Variants in LARGE1 observed in about 807,000 individuals in gnomAD.
LARGE1 encodes LARGE xylosyl- and glucuronyltransferase 1.
Under a neutral mutation model 87.6 loss-of-function variants are expected in LARGE1, and 43 were observed. The observed-to-expected ratio is 0.49, with a 90% confidence interval of 0.38 to 0.63. LARGE1 has a LOEUF of 0.63. Ranked by LOEUF, LARGE1 falls within the 30% of genes least tolerant of loss-of-function variation. The probability of loss-of-function intolerance (pLI) is 0.00; values close to 1 mark genes in which losing one functional copy is unlikely to be tolerated. For synonymous variants in LARGE1, 434 were observed against 394.6 expected, an observed-to-expected ratio of 1.10 and a Z score of -1.18; for missense variants, 802 against 1,000.2, an observed-to-expected ratio of 0.80 and a Z score of 2.67.
intron 10 of LARGE1, among the ~76,000 whole-genome samples, chr22:33,336,665 T>C (rs1938483907): frequency 6.6e-6 from 1 of 152,210 alleles, no homozygotes; most frequent in Non-Finnish European, 1.5e-5. Context: ...CTCTTCTCTA[T>C]ATCCTAAGAA....
At chr22:33,827,439 T>C (rs2062831565) in intron 1 of LARGE1, among the ~76,000 whole-genome samples, 1 of 152,006 alleles carries the variant, frequency 6.6e-6, no homozygotes. Flanking sequence ...GCCAAAAAAA[T>C]ACACATAAAC....
At chr22:33,898,064 C>T (rs908868472) in intron 1 of LARGE1, among the ~76,000 whole-genome samples, 1 of 152,158 alleles carries the variant, frequency 6.6e-6, no homozygotes, top group Non-Finnish European at 1.5e-5. Flanking sequence ...ATACACGTGG[C>T]CACAGCTGTA....
the LARGE1 span, among the ~76,000 whole-genome samples, chr22:33,146,040 T>C: frequency 1.8e-4 from 27 of 152,196 alleles, no homozygotes; most frequent in Non-Finnish European, 3.1e-4. Context: ...TAAGCACTTT[T>C]TCCCACGTCT....
intron 11 of LARGE1, among the ~76,000 whole-genome samples, chr22:33,181,306 T>C (rs1011809732): frequency 6.6e-6 from 1 of 152,158 alleles, no homozygotes; most frequent in Non-Finnish European, 1.5e-5. Flanking sequence ...TTATGGAGTA[T>C]CTACTGTATA....
At chr22:33,537,211 T>C (rs972082258) in intron 6 of LARGE1, among the ~76,000 whole-genome samples, 1 of 152,244 alleles carries the variant, frequency 6.6e-6, no homozygotes, top group African/African-American at 2.4e-5. Flanking sequence ...CTCTGACAGT[T>C]CTGGAGGTCA....
the LARGE1 span, among the ~76,000 whole-genome samples, chr22:33,126,744 A>G: frequency 2.6e-5 from 4 of 152,268 alleles, no homozygotes; most frequent in South Asian, 2.1e-4. Context: ...ACACAGTGAC[A>G]TACAAAATTG....
At chr22:33,895,592 C>G (rs1443340325) in intron 1 of LARGE1, among the ~76,000 whole-genome samples, 1 of 152,190 alleles carries the variant, frequency 6.6e-6, no homozygotes, top group East Asian at 1.9e-4. Flanking sequence ...GCCTGAGGTC[C>G]TTGCCTTCTT....
At chr22:33,121,407 G>C in the LARGE1 span, among the ~76,000 whole-genome samples, 1 of 152,332 alleles carries the variant, frequency 6.6e-6, no homozygotes, top group African/African-American at 2.4e-5. Context: ...AAGAATGCCT[G>C]TTGTGAGGTT....
At chr22:33,464,864 A>C (rs2068525367) in intron 6 of LARGE1, among the ~76,000 whole-genome samples, 2 of 147,116 alleles carry the variant, frequency 1.4e-5, no homozygotes, top group African/African-American at 5.1e-5. Context: ...CACACACTAC[A>C]CACACACTGC....
chr22:33,077,216 G>C, the LARGE1 span, among the ~76,000 whole-genome samples: 3 of 152,120 alleles, frequency 2.0e-5, no homozygotes, highest in African/African-American at 7.2e-5. Flanking sequence ...AATGATTAAA[G>C]TTATTGAGTG....
At chr22:33,403,426 T>C (rs1407076860) in intron 7 of LARGE1, among the ~76,000 whole-genome samples, 1 of 152,204 alleles carries the variant, frequency 6.6e-6, no homozygotes, top group Non-Finnish European at 1.5e-5. Flanking sequence ...AACATTTTAA[T>C]GGGAGTAATA....
intron 2 of LARGE1, among the ~76,000 whole-genome samples, chr22:33,731,579 T>A (rs1161076065): frequency 2.6e-5 from 4 of 152,106 alleles, no homozygotes; most frequent in Non-Finnish European, 5.9e-5. Context: ...TGTGGAGGTA[T>A]TATTCAAAGG....
the LARGE1 span, among the ~76,000 whole-genome samples, chr22:33,113,689 AT>A: frequency 6.6e-6 from 1 of 152,180 alleles, no homozygotes; most frequent in African/African-American, 2.4e-5. Context: ...GTTACAGAGG[AT>A]AAGGACCCAA....
intron 1 of LARGE1, among the ~76,000 whole-genome samples, chr22:33,783,086 T>A (rs1345399727): frequency 6.6e-6 from 1 of 151,918 alleles, no homozygotes; most frequent in East Asian, 1.9e-4. Flanking sequence ...ATCCAAAAGG[T>A]CAGGAGATTC....
chr22:33,861,860 C>CTTTTTT (rs59657748), intron 1 of LARGE1, among the ~76,000 whole-genome samples: 55 of 117,196 alleles, frequency 4.7e-4, no homozygotes, highest in East Asian at 1.5e-3. Flanking sequence ...CCCAGACATT[C>CTTTTTT]TTTTTTTTTT....
intron 7 of LARGE1, among the ~76,000 whole-genome samples, chr22:33,386,208 G>A (rs1302410404): frequency 6.7e-6 from 1 of 148,658 alleles, no homozygotes; most frequent in African/African-American, 2.4e-5. Context: ...GATAGATTTT[G>A]TTATCCTTAT....
chr22:33,464,154 G>A (rs1304836459), intron 6 of LARGE1, among the ~76,000 whole-genome samples: 1 of 152,088 alleles, frequency 6.6e-6, no homozygotes, highest in East Asian at 1.9e-4. Flanking sequence ...ATAGGAACTT[G>A]ATCTGTGACA....
intron 9 of LARGE1, among the ~76,000 whole-genome samples, chr22:33,366,997 T>C (rs1280422005): frequency 6.6e-6 from 1 of 152,236 alleles, no homozygotes; most frequent in Non-Finnish European, 1.5e-5. Context: ...GTTTAATGGC[T>C]AGAAGATAAT....
At chr22:33,075,207 T>C in the LARGE1 span, among the ~76,000 whole-genome samples, 1 of 152,208 alleles carries the variant, frequency 6.6e-6, no homozygotes, top group Admixed American at 6.5e-5. Flanking sequence ...CTAGGTAAAG[T>C]CTTGGTAGGG....
Sources: allele counts gnomAD v4.1 joint callset (sites outside exome capture counted in the v4.1 genomes callset), GRCh38; gene constraint gnomAD v4.1.1; transcripts MANE v1.5; gene names NCBI Gene and HGNC (gene_info 2026-07-23, HGNC 2026-07-21).